Variants in UACA observed in about 807,000 individuals in gnomAD.
The protein encoded by UACA is nuclear membrane binding protein.
A neutral mutation model predicts 160.5 loss-of-function variants in UACA; 112 were observed. That is an observed-to-expected ratio of 0.70 (90% CI 0.60 to 0.82). UACA has a LOEUF of 0.82. UACA is among the 40% of genes least tolerant of loss of function. The pLI, the probability that UACA is intolerant of heterozygous loss-of-function variation, is 0.00. For synonymous variants in UACA, 557 were observed against 568.4 expected, an observed-to-expected ratio of 0.98 and a Z score of 0.29; for missense variants, 1,574 against 1,614.6, an observed-to-expected ratio of 0.97 and a Z score of 0.43.
rs759163989 is a variant in UACA, at chr15:70,687,569, C to G, written c.573G>C (p.Ala191=). Reference sequence around the variant, plus strand: ...TTTGTTTGTCTCTGGAATTAACATCCGCTCCTCTATCTATCAGCAGTTGAC... The same window carrying G: ...TTTGTTTGTCTCTGGAATTAACATCGGCTCCTCTATCTATCAGCAGTTGAC... ...TICQLLIDRG[A]DVNSRDKQNR... The change falls in exon 7 of 19, where the codon GCG becomes GCC. Residue 191 remains alanine, a synonymous_variant. Transcript: ENST00000322954. 5 of 1,613,806 alleles carry G rather than the reference C, an allele frequency of 3.1e-6. No homozygotes were observed. The highest frequency in any genetic ancestry group is 3.4e-6 in the Non-Finnish European group (4 of 1,179,806).
At chr15:70,763,820 TAGAG>T (rs1226812850), upstream of UACA, among the ~76,000 whole-genome samples, 3 of 152,214 alleles carry the variant, frequency 2.0e-5, no homozygotes, top group Non-Finnish European at 4.4e-5. Context: ...GCTTAAGATC[TAGAG>T]AGAGCACGGG....
At chr15:70,750,058 T>C (rs1009389709) in intron 1 of UACA, among the ~76,000 whole-genome samples, 1 of 152,150 alleles carries the variant, frequency 6.6e-6, no homozygotes, top group Non-Finnish European at 1.5e-5. Context: ...ACTGTGACTT[T>C]GGTAAGTCAC....
chr15:70,726,225 C>A (rs1019851895), intron 1 of UACA, among the ~76,000 whole-genome samples: 5 of 151,964 alleles, frequency 3.3e-5, no homozygotes, highest in Admixed American at 2.6e-4. Context: ...CTCAGCACCC[C>A]CAAATCCAAT....
At chr15:70,661,415 A>G (rs1868427127) in intron 17 of UACA, 1 of 152,226 alleles carries the variant, frequency 6.6e-6, no homozygotes. Context: ...GGTCATGAAC[A>G]TAATAAACAA....
Position 70,763,541 on chromosome 15 carries a change from C to T in UACA, c.-134G>A. On this transcript the variant is annotated 5_prime_UTR_variant, in exon 1 of 19. Coordinates refer to ENST00000322954, the MANE Select transcript of UACA (RefSeq NM_018003.4). The stretch of plus-strand genomic sequence containing the variant: ...CCACCTGCCTGCCACCTGCGGGCCC[C>T]GGGCAGCAGACGTCGACAGGCCTGA... The T allele has an allele frequency of 8.0e-7, 1 of 1,244,372 alleles. No homozygotes were observed. The highest frequency in any genetic ancestry group is 1.0e-6 in the Non-Finnish European group (1 of 990,784). 77.1% of individuals were successfully genotyped at this position (1,244,372 alleles called of 1,614,324 possible). A position where few individuals can be genotyped will look rare whatever the true frequency, so the allele number is the denominator to read the frequency against.
chr15:70,736,027 T>C (rs2057292185), intron 1 of UACA, among the ~76,000 whole-genome samples: 1 of 152,210 alleles, frequency 6.6e-6, no homozygotes, highest in Admixed American at 6.5e-5. Context: ...TTTTTTATAC[T>C]TTTGTAATTT....
intron 1 of UACA, among the ~76,000 whole-genome samples, chr15:70,739,671 T>C (rs910738904): frequency 6.6e-6 from 1 of 152,200 alleles, no homozygotes; most frequent in African/African-American, 2.4e-5. Flanking sequence ...TCTCAATTCA[T>C]ATAATTTAAT....
chr15:70,655,524 G>A lies in UACA; in HGVS notation c.*1532C>T, dbSNP rs765849726. The A allele has an allele frequency of 3.3e-5, 5 of 152,142 alleles. No individual in the cohort carries two copies. In the East Asian group the frequency reaches 5.8e-4, roughly 18 times the overall value. 9.4% of individuals were successfully genotyped at this position (152,142 alleles called of 1,614,324 possible). ...ATTACAGGCATGAGCCACCACCCCC[G>A]GCAACTTTTTTAATTTATATTTTAT... On this transcript the variant is annotated 3_prime_UTR_variant, in exon 19 of 19. Transcript: ENST00000322954.
intron 9 of UACA, among the ~76,000 whole-genome samples, chr15:70,682,380 C>T (rs1897541122): frequency 6.6e-6 from 1 of 152,140 alleles, no homozygotes; most frequent in Non-Finnish European, 1.5e-5. Flanking sequence ...TTTCCCATAA[C>T]AGTCAATATT....
In UACA at chr15:70,667,895, G is replaced by A. The variant is rs567387793; in HGVS notation, c.2789C>T (p.Ala930Val). Residue 930 changes from alanine to valine, a missense_variant, in exon 16 of 19, where the codon GCA (alanine) becomes GTA (valine). Transcript: ENST00000322954. ...GCTCTGACTTAGCGAGCTCATCTTT[G>A]CCTCGTGCTCTGCCAGGCTGATGTA... ...AEYISLAEHE[A>V]KMSSLSQSMR... The A allele has an allele frequency of 6.2e-7, 1 of 1,613,908 alleles. No individual in the cohort carries two copies. The highest frequency in any genetic ancestry group is 1.1e-5 in the South Asian group (1 of 91,040).
intron 15 of UACA, 86 bp downstream of exon 15, chr15:70,670,953 T>C (rs1301253726): frequency 2.7e-6 from 2 of 752,154 alleles, no homozygotes; most frequent in Non-Finnish European, 4.1e-6. Context: ...ATACTTAATG[T>C]ACAATGCCGC....
At chr15:70,751,818 T>C (rs758024388) in intron 1 of UACA, among the ~76,000 whole-genome samples, 2 of 152,184 alleles carry the variant, frequency 1.3e-5, no homozygotes, top group Non-Finnish European at 2.9e-5. Flanking sequence ...TTTCCTTGTT[T>C]ACCTACTTAT....
At chr15:70,776,585 G>T in the UACA span, among the ~76,000 whole-genome samples, 2 of 152,092 alleles carry the variant, frequency 1.3e-5, no homozygotes, top group South Asian at 4.2e-4. Context: ...ATGCCACCAT[G>T]CCTGGCTAAA....
At chr15:70,769,338 CAAAAAA>C in the UACA span, among the ~76,000 whole-genome samples, 1 of 77,724 alleles carries the variant, frequency 1.3e-5, no homozygotes, top group Non-Finnish European at 2.2e-5. Context: ...GACTCCGACT[CAAAAAA>C]AAAAAAAAAA....
chr15:70,719,482 A>G (rs542062364), intron 1 of UACA, among the ~76,000 whole-genome samples: 1 of 152,340 alleles, frequency 6.6e-6, no homozygotes, highest in Non-Finnish European at 1.5e-5. Flanking sequence ...ACTGAAAACC[A>G]AAATAAAATG....
chr15:70,699,406 G>T, intron 2 of UACA, 121 bp downstream of exon 2: 1 of 1,096,622 alleles, frequency 9.1e-7, no homozygotes, highest in Non-Finnish European at 1.3e-6. Flanking sequence ...AGATTTTATA[G>T]TGCAGGTTTT....
At chr15:70,702,231 G>A in intron 1 of UACA, 1 of 1,084,334 alleles carries the variant, frequency 9.2e-7, no homozygotes, top group African/African-American at 1.7e-5. Context: ...TCCCTTTGAG[G>A]GACCCCACTG....
rs142277997 is a variant in UACA at position 70,700,301 on chromosome 15, G to GTATATATA, written c.79-649_79-642dup. Among the ~76,000 whole-genome samples the GTATATATA allele has an allele frequency of 6.3e-3, 815 of 129,794 alleles. 14 individuals are homozygous for GTATATATA. Among genetic ancestry groups the GTATATATA allele is most frequent in the African/African-American group, 0.026 (783 of 29,552 alleles). The allele number at this position is 129,794 out of a possible 152,430, so 85.1% of individuals were successfully genotyped here. ...GGAAATATATTTATGGAGGCAAATTGTATATATATATATATATACACACAC... is the reference window on the plus strand; with the variant it reads ...GGAAATATATTTATGGAGGCAAATTGTATATATATATATATATATATATATACACACAC... On this transcript the variant is annotated intron_variant, in intron 1 of 18. Coordinates refer to ENST00000322954, the MANE Select transcript of UACA (RefSeq NM_018003.4).
intron 18 of UACA, among the ~76,000 whole-genome samples, chr15:70,659,395 G>GT (rs71152307): frequency 1.2e-3 from 22 of 18,830 alleles, no homozygotes; most frequent in East Asian, 0.012. Context: ...TTTTTTGTTT[G>GT]TTTTTTTTTT....
Sources: gnomAD v4.1 joint callset for allele counts (sites outside exome capture counted in the v4.1 genomes callset) on GRCh38, gnomAD v4.1.1 for gene constraint, MANE v1.5 for transcripts, NCBI Gene and HGNC (gene_info 2026-07-23, HGNC 2026-07-21) for gene names.